MAGI2: variants seen among roughly 807,000 people sequenced by gnomAD.
MAGI2 encodes membrane associated guanylate kinase, WW and PDZ domain containing 2, also known as membrane-associated guanylate kinase, WW and PDZ domain-containing protein 2.
MAGI2 carries 35 observed loss-of-function variants against 133.3 expected under a neutral mutation model. The ratio of observed to expected loss-of-function variants is 0.26; its 90% CI spans 0.20 to 0.35. The LOEUF is 0.35. Ranked by LOEUF, MAGI2 falls within the 10% of genes least tolerant of loss-of-function variation. MAGI2 has a pLI of 1.00. For missense variants in MAGI2, 1,636 were observed against 1,863.4 expected (o/e 0.88, Z 2.25); for synonymous variants, 729 against 710.6 (o/e 1.03, Z -0.41).
chr7:78,504,301 T>C (rs1216404340), intron 4 of MAGI2, among the ~76,000 whole-genome samples: 1 of 152,082 alleles, frequency 6.6e-6, no homozygotes. Flanking sequence ...GTAGGCTTAA[T>C]TGTATAATGG....
chr7:79,360,492 C>T lies in MAGI2; in HGVS notation c.301+92528G>A, dbSNP rs541073693. Among the ~76,000 whole-genome samples the T allele has an allele frequency of 4.8e-4, 73 of 152,118 alleles. 2 individuals carry two copies. The South Asian group carries it at 0.015, about 31-fold the overall frequency. ...AGGTACGTACACTATATCAATTTTTCTCATGAATTTATAAATTATACTTGA... is the reference window on the plus strand; with the variant it reads ...AGGTACGTACACTATATCAATTTTTTTCATGAATTTATAAATTATACTTGA... On this transcript the variant is annotated intron_variant, in intron 1 of 21. Transcript: ENST00000354212.
intron 2 of MAGI2, among the ~76,000 whole-genome samples, chr7:78,877,713 A>C (rs1007961468): frequency 6.6e-6 from 1 of 152,168 alleles, no homozygotes; most frequent in Non-Finnish European, 1.5e-5. Flanking sequence ...AAAGTTTTAA[A>C]ATGTAATAAT....
intron 1 of MAGI2, among the ~76,000 whole-genome samples, chr7:79,239,772 C>A (rs1282478988): frequency 2.0e-5 from 3 of 152,168 alleles, no homozygotes; most frequent in African/African-American, 4.8e-5. Context: ...GACAAAAACA[C>A]GTTTGCCACA....
At chr7:78,766,815 G>T (rs1825072717) in intron 2 of MAGI2, among the ~76,000 whole-genome samples, 1 of 152,164 alleles carries the variant, frequency 6.6e-6, no homozygotes, top group Non-Finnish European at 1.5e-5. Flanking sequence ...TGGAAAGCAG[G>T]CTTGTGTGAC....
In MAGI2 at chr7:78,537,786, T is replaced by G. The variant is rs551811907; in HGVS notation, c.539-16141A>C. 1.9e-4 allele frequency among the ~76,000 whole-genome samples: 28 copies of G among 148,798 alleles called. No homozygotes were observed. The South Asian group carries it at 6.1e-3, about 32-fold the overall frequency. On this transcript the variant is annotated intron_variant, in intron 3 of 21. Coordinates refer to ENST00000354212, the MANE Select transcript of MAGI2 (RefSeq NM_012301.4). ...ATAGTTTGCAAGGATTTTCTCCCAT[T>G]CTATGAATTGTCTGTCTACTCTGCT...
At chr7:78,417,456 A>G (rs1798405262) in intron 6 of MAGI2, among the ~76,000 whole-genome samples, 2 of 152,110 alleles carry the variant, frequency 1.3e-5, no homozygotes, top group South Asian at 4.1e-4. Flanking sequence ...AAGTTTATCA[A>G]TCACTCCCTC....
intron 1 of MAGI2, among the ~76,000 whole-genome samples, chr7:79,374,478 G>A (rs907541374): frequency 2.6e-5 from 4 of 151,882 alleles, no homozygotes; most frequent in Admixed American, 6.6e-5. Flanking sequence ...GCATGGCCCC[G>A]CCAACACCTT....
chr7:78,955,786 T>G (rs1802326447), intron 2 of MAGI2, among the ~76,000 whole-genome samples: 1 of 132,698 alleles, frequency 7.5e-6, no homozygotes, highest in Non-Finnish European at 1.7e-5. Flanking sequence ...TCTTTCTTTC[T>G]TTCATTTCTT....
intron 3 of MAGI2, among the ~76,000 whole-genome samples, chr7:78,558,108 T>C (rs1039578353): frequency 9.9e-5 from 15 of 152,218 alleles, no homozygotes; most frequent in African/African-American, 3.4e-4. Context: ...CCTTAATATA[T>C]ATCAATTGAA....
At chr7:78,727,755 T>C (rs1281389918) in intron 2 of MAGI2, among the ~76,000 whole-genome samples, 1 of 152,232 alleles carries the variant, frequency 6.6e-6, no homozygotes, top group African/African-American at 2.4e-5. Context: ...CTCAGTTGGT[T>C]AGTCGCTAAT....
chr7:78,600,931 G>C (rs1805133973), intron 3 of MAGI2, among the ~76,000 whole-genome samples: 1 of 152,036 alleles, frequency 6.6e-6, no homozygotes, highest in Non-Finnish European at 1.5e-5. Context: ...GGAGAATGTG[G>C]GTTGGTGACA....
At chr7:78,880,348 G>A (rs560424780) in intron 2 of MAGI2, among the ~76,000 whole-genome samples, 2 of 152,232 alleles carry the variant, frequency 1.3e-5, no homozygotes, top group African/African-American at 4.8e-5. Flanking sequence ...CTTGAACAAA[G>A]GGTACACCAT....
At chr7:78,844,085 AT>A (rs1185884779) in intron 2 of MAGI2, among the ~76,000 whole-genome samples, 3 of 149,802 alleles carry the variant, frequency 2.0e-5, no homozygotes, top group African/African-American at 4.9e-5. Flanking sequence ...TAATTTCAGA[AT>A]TTTTTTTTCT....
At chr7:78,883,253 GAC>G (rs549413631) in intron 2 of MAGI2, among the ~76,000 whole-genome samples, 1 of 151,918 alleles carries the variant, frequency 6.6e-6, no homozygotes, top group South Asian at 2.1e-4. Context: ...ATTTGTAATA[GAC>G]ACACACACAA....
chr7:78,538,992 TGAC>T (rs1180584945), intron 3 of MAGI2, among the ~76,000 whole-genome samples: 2 of 152,218 alleles, frequency 1.3e-5, no homozygotes, highest in African/African-American at 4.8e-5. Flanking sequence ...CAGTGGAACA[TGAC>T]AAGAATGCCG....
intron 1 of MAGI2, among the ~76,000 whole-genome samples, chr7:79,261,304 T>C (rs535058439): frequency 1.7e-3 from 254 of 152,330 alleles, no homozygotes; most frequent in Non-Finnish European, 2.6e-3. Flanking sequence ...CACCAGGGTT[T>C]CCCCTGGGCT....
In MAGI2 at chr7:78,020,052, G is replaced by C. The variant is rs1808205713; in HGVS notation, c.3707-76C>G. On this transcript the variant is annotated intron_variant, in intron 21 of 21. Transcript: ENST00000354212. ...GTGCCCTCTCTACGCCGGGGACAGGGGCAGGCAGCTGGGGCGATTGCTCTC... is the reference window on the plus strand; with the variant it reads ...GTGCCCTCTCTACGCCGGGGACAGGCGCAGGCAGCTGGGGCGATTGCTCTC... 3.0e-6 allele frequency: 4 copies of C among 1,333,702 alleles called. No individual in the cohort carries two copies. In the South Asian group the frequency reaches 5.7e-5, roughly 19 times the overall value. The allele number at this position is 1,333,702 out of a possible 1,614,324, so 82.6% of individuals were successfully genotyped here. A position where few individuals can be genotyped will look rare whatever the true frequency, so the allele number is the denominator to read the frequency against.
intron 6 of MAGI2, among the ~76,000 whole-genome samples, chr7:78,432,088 C>A (rs1480319443): frequency 2.0e-5 from 3 of 151,650 alleles, no homozygotes; most frequent in Non-Finnish European, 4.4e-5. Context: ...TTTCTTCATA[C>A]AACACATGAG....
intron 1 of MAGI2, among the ~76,000 whole-genome samples, chr7:79,050,532 G>A (rs1409969704): frequency 6.6e-6 from 1 of 152,094 alleles, no homozygotes; most frequent in Admixed American, 6.5e-5. Context: ...GCAGGTGAGT[G>A]CCACCATGCC....
Sources: allele counts gnomAD v4.1 joint callset (sites outside exome capture counted in the v4.1 genomes callset), GRCh38; gene constraint gnomAD v4.1.1; transcripts MANE v1.5; gene names NCBI Gene and HGNC (gene_info 2026-07-23, HGNC 2026-07-21).